Variants in TTC39B observed in about 807,000 individuals in gnomAD.
TTC39B encodes the protein tetratricopeptide repeat protein 39B.
In TTC39B, 92 loss-of-function variants were observed where a neutral mutation model predicts 96.6. That is an observed-to-expected ratio of 0.95 (90% CI 0.80 to 1.13). The LOEUF is 1.13. Among genes scored for constraint, TTC39B ranks in the 50% most tolerant of loss-of-function variants. The pLI is 0.00. For missense variants in TTC39B, 955 were observed against 809.3 expected, an observed-to-expected ratio of 1.18 and a Z score of -2.18; for synonymous variants, 367 against 299.4, an observed-to-expected ratio of 1.23 and a Z score of -2.33.
At position 15,187,081 on chromosome 9, in the gene TTC39B, G is replaced by T; in HGVS notation, c.1396-46C>A. On this transcript the variant is annotated intron_variant, in intron 14 of 19. Transcript: ENST00000512701. The stretch of plus-strand genomic sequence containing the variant: ...TATTACAGAACATCCCTAGGTAAAT[G>T]ACATTTCTACCTTTCAAATCAGGAA... The T allele has an allele frequency of 2.1e-6, 3 of 1,412,090 alleles. No homozygotes were observed. In the South Asian group the frequency reaches 4.1e-5, roughly 19 times the overall value. The allele number at this position is 1,412,090 out of a possible 1,614,324, so 87.5% of individuals were successfully genotyped here. A position where few individuals can be genotyped will look rare whatever the true frequency, so the allele number is the denominator to read the frequency against.
At chr9:15,227,222 C>T (rs531019559) in intron 2 of TTC39B, among the ~76,000 whole-genome samples, 5 of 151,776 alleles carry the variant, frequency 3.3e-5, no homozygotes, top group East Asian at 1.9e-4. Context: ...CAGGGAGAAT[C>T]GCTTGAACCC....
At chr9:15,252,232 A>C (rs145834565) in intron 2 of TTC39B, among the ~76,000 whole-genome samples, 141 of 152,304 alleles carry the variant, frequency 9.3e-4, no homozygotes, top group African/African-American at 3.1e-3. Flanking sequence ...TTTCCTTTCA[A>C]AATTAATTAA....
chr9:15,226,033 G>A, intron 2 of TTC39B, 21 bp from the exon 3 acceptor site: 1 of 1,608,364 alleles, frequency 6.2e-7, no homozygotes. Flanking sequence ...AAAAGGCAGA[G>A]CAAGGTTTTT....
chr9:15,225,514 G>C (rs1255625387), intron 3 of TTC39B, among the ~76,000 whole-genome samples: 2 of 152,130 alleles, frequency 1.3e-5, no homozygotes, highest in Non-Finnish European at 2.9e-5. Flanking sequence ...CTAGGAAAAA[G>C]ACTGGAAGGA....
In TTC39B at chr9:15,306,516, C is replaced by T. The variant is rs1226237548; in HGVS notation, c.240+568G>A. On this transcript the variant is annotated intron_variant, in intron 1 of 19. Transcript: ENST00000512701. This position sits in a 1 kb window ranked among gnomAD's most constrained non-coding sequence, Gnocchi z 5.1. The stretch of plus-strand genomic sequence containing the variant: ...ACCACAGCCTGGGCTGCGGCTCTAG[C>T]CCTCCAGCCCCAGCCCCTGGCAGCC... Among the ~76,000 whole-genome samples the T allele has an allele frequency of 3.3e-5, 5 of 152,346 alleles. No individual in the cohort carries two copies. In the East Asian group the frequency reaches 9.7e-4, roughly 29 times the overall value.
intron 1 of TTC39B, among the ~76,000 whole-genome samples, chr9:15,285,007 A>G (rs1823904849): frequency 6.6e-6 from 1 of 152,144 alleles, no homozygotes; most frequent in African/African-American, 2.4e-5. Context: ...CACACCTGTA[A>G]TCCCAGCACT....
Position 15,271,293 on chromosome 9 carries a change from G to A in TTC39B, c.241-3345C>T, listed in dbSNP as rs117659854. On this transcript the variant is annotated intron_variant, in intron 1 of 19. Coordinates refer to ENST00000512701, the Ensembl canonical transcript of TTC39B. ...TGTCTGATTGGAGTCCGCACACTGT[G>A]AAGTTACATGTTGACTTACAGGATT... 5.8e-3 allele frequency among the ~76,000 whole-genome samples: 886 copies of A among 152,282 alleles called. 10 individuals are homozygous for A. The highest frequency in any genetic ancestry group is 6.7e-3 in the Non-Finnish European group (454 of 68,026).
At chr9:15,173,745 T>C (rs771211806) in intron 19 of TTC39B, among the ~76,000 whole-genome samples, 1 of 152,204 alleles carries the variant, frequency 6.6e-6, no homozygotes. Flanking sequence ...TGCTGTTGAC[T>C]GCAATCTCTA....
At chr9:15,211,245 G>C (rs770053933) in intron 5 of TTC39B, 21 bp downstream of exon 5, 110 of 1,492,860 alleles carry the variant, frequency 7.4e-5, no homozygotes, top group Non-Finnish European at 9.1e-5. Context: ...CACATCTTAA[G>C]TATTTAATGA....
intron 9 of TTC39B, among the ~76,000 whole-genome samples, chr9:15,191,937 C>T (rs1818881548): frequency 6.6e-6 from 1 of 152,168 alleles, no homozygotes; most frequent in Non-Finnish European, 1.5e-5. Flanking sequence ...ATTTGTGTCC[C>T]ATGTGGATAC....
intron 10 of TTC39B, among the ~76,000 whole-genome samples, chr9:15,190,918 G>C (rs991656419): frequency 1.3e-5 from 2 of 151,936 alleles, no homozygotes; most frequent in African/African-American, 2.4e-5. Flanking sequence ...AACCACGTGA[G>C]AGTAATAAGA....
At chr9:15,224,941 G>A (rs781345943) in intron 3 of TTC39B, among the ~76,000 whole-genome samples, 3 of 152,174 alleles carry the variant, frequency 2.0e-5, no homozygotes, top group Non-Finnish European at 4.4e-5. Context: ...ACGCATAGCT[G>A]AAATTTCAAA....
chr9:15,280,296 C>G (rs1823710417), intron 1 of TTC39B, among the ~76,000 whole-genome samples: 1 of 152,180 alleles, frequency 6.6e-6, no homozygotes, highest in African/African-American at 2.4e-5. Context: ...ATAGCTGCAA[C>G]TGAGATCACA....
intron 3 of TTC39B, among the ~76,000 whole-genome samples, chr9:15,217,964 C>G (rs966072985): frequency 3.3e-5 from 5 of 151,978 alleles, no homozygotes; most frequent in African/African-American, 1.2e-4. Context: ...AATCCCAGCA[C>G]TTTGGGAGGC....
At chr9:15,277,451 C>G (rs953204998) in intron 1 of TTC39B, among the ~76,000 whole-genome samples, 1 of 152,142 alleles carries the variant, frequency 6.6e-6, no homozygotes, top group African/African-American at 2.4e-5. Flanking sequence ...AATTTATGAG[C>G]ACAGAGCCCA....
chr9:15,218,074 G>A (rs959521910), intron 3 of TTC39B, among the ~76,000 whole-genome samples: 4 of 151,506 alleles, frequency 2.6e-5, no homozygotes, highest in African/African-American at 9.7e-5. Flanking sequence ...TGGGCATGGT[G>A]GCTCACACCT....
intron 1 of TTC39B, among the ~76,000 whole-genome samples, chr9:15,276,096 T>C (rs563666565): frequency 6.6e-6 from 1 of 152,326 alleles, no homozygotes; most frequent in East Asian, 1.9e-4. Flanking sequence ...TGTCACTATG[T>C]GGAAAAATTT....
intron 1 of TTC39B, among the ~76,000 whole-genome samples, chr9:15,278,670 G>C (rs1823639477): frequency 6.6e-6 from 1 of 152,158 alleles, no homozygotes; most frequent in Non-Finnish European, 1.5e-5. Context: ...ATCACCAGTG[G>C]AGGTATTTTT....
intron 2 of TTC39B, among the ~76,000 whole-genome samples, chr9:15,226,834 G>T (rs567717170): frequency 6.6e-6 from 1 of 151,962 alleles, no homozygotes; most frequent in Non-Finnish European, 1.5e-5. Context: ...TTAAGAGTAA[G>T]TCCTGCCCTG....
Sources: gnomAD v4.1 joint callset for allele counts (sites outside exome capture counted in the v4.1 genomes callset) on GRCh38, gnomAD v4.1.1 for gene constraint, Gnocchi (gnomAD v3.1) non-coding constraint, MANE v1.5 for transcripts, NCBI Gene and HGNC (gene_info 2026-07-23, HGNC 2026-07-21) for gene names.